SCYL3: variants seen among roughly 807,000 people sequenced by gnomAD.
SCYL3 encodes SCY1 like pseudokinase 3, also known as protein-associating with the carboxyl-terminal domain of ezrin.
A neutral mutation model predicts 73.8 loss-of-function variants in SCYL3; 35 were observed. The ratio of observed to expected loss-of-function variants is 0.47; its 90% confidence interval spans 0.36 to 0.63. The LOEUF is 0.63. Among genes scored for constraint, SCYL3 ranks in the 20% least tolerant of loss-of-function variants. The pLI is 0.00. For missense variants in SCYL3, 712 were observed against 798.9 expected, an observed-to-expected ratio of 0.89 and a Z score of 1.31; for synonymous variants, 277 against 295.2, an observed-to-expected ratio of 0.94 and a Z score of 0.63.
intron 11 of SCYL3, among the ~76,000 whole-genome samples, chr1:169,856,661 G>C (rs1571382994): frequency 6.6e-6 from 1 of 152,110 alleles, no homozygotes; most frequent in African/African-American, 2.4e-5. Context: ...CCTCCTTGAA[G>C]TCCTATCTAA....
At chr1:169,867,720 T>G (rs1265751974) in intron 7 of SCYL3, among the ~76,000 whole-genome samples, 1 of 152,244 alleles carries the variant, frequency 6.6e-6, no homozygotes, top group Non-Finnish European at 1.5e-5. Flanking sequence ...GCTGCCTCTG[T>G]AAGAGATGCT....
Position 169,868,727 on chromosome 1 carries a change from A to G in SCYL3, c.737+201T>C, listed in dbSNP as rs77695329. Among the ~76,000 whole-genome samples, 1,196 of 152,276 alleles carry G rather than the reference A, an allele frequency of 7.9e-3. 19 individuals are homozygous for G. The highest frequency in any genetic ancestry group is 0.027 in the African/African-American group (1,137 of 41,552). ...CAATCAAGGATTTCTAAAACTTCCT[A>G]TCTATAATAGGAAACTGACAGACAA... On this transcript the variant is annotated intron_variant, in intron 7 of 12. Transcript: ENST00000367771.
chr1:169,891,911 C>G (rs1662113717), intron 1 of SCYL3, among the ~76,000 whole-genome samples: 1 of 152,114 alleles, frequency 6.6e-6, no homozygotes, highest in Non-Finnish European at 1.5e-5. Flanking sequence ...GTTATAAAAG[C>G]ATTAGGAAGT....
chr1:169,854,453 T>C lies in SCYL3; in HGVS notation c.1824A>G (p.Gln608=). The C allele has an allele frequency of 3.1e-6, 5 of 1,614,132 alleles. No individual in the cohort carries two copies. Among genetic ancestry groups the C allele is most frequent in the Non-Finnish European group, 4.2e-6 (5 of 1,179,994 alleles). ...ELGLGEEFTI[Q]VKKKPVKDPE... ...GATCTTTTACTGGCTTCTTTTTTAC[T>C]TGAATGGTGAATTCCTCTCCTAAAC... The change falls in exon 12 of 13, where the codon CAA becomes CAG. Residue 608 remains glutamine (Q), a synonymous_variant. Transcript: ENST00000367771.
At position 169,878,637 on chromosome 1, in the gene SCYL3, G is replaced by A. The variant is rs776586042; in HGVS notation, c.348C>T (p.Asp116=). 16 of 1,611,174 alleles carry A rather than the reference G, an allele frequency of 9.9e-6. No individual in the cohort carries two copies. The Admixed American group carries it at 2.0e-4, about 20-fold the overall frequency. ...GCAGACTATACAGGTTACTTACTCT[G>A]TCATGAAGGAAGATAAGAGCCAGCA... is the stretch of plus-strand genomic sequence containing the variant. ...DILLALIFLH[D]RGHLTHNNVC... The change falls in exon 3 of 13, where the codon GAC becomes GAT. Residue 116 remains aspartate, a synonymous_variant. Transcript: ENST00000367771.
chr1:169,878,868 T>A (rs1235227250), intron 2 of SCYL3, 49 bp from the exon 3 acceptor site: 1 of 1,509,964 alleles, frequency 6.6e-7, no homozygotes, highest in Admixed American at 2.0e-5. Context: ...CCAAACCAGA[T>A]TATAGTTTCA....
Position 169,850,026 on chromosome 1 carries a change from G to A in SCYL3, c.*3687C>T, listed in dbSNP as rs1268378327. The A allele has an allele frequency of 1.9e-6, 1 of 538,380 alleles. No homozygotes were observed. The highest frequency in any genetic ancestry group is 3.2e-5 in the Admixed American group (1 of 31,380). 33.4% of individuals were successfully genotyped at this position (538,380 alleles called of 1,614,324 possible). On this transcript the variant is annotated 3_prime_UTR_variant, in exon 13 of 13. Transcript: ENST00000367771. ...TAGTCATGCCTATGATCATAAGGGA[G>A]TCCAGAAGCATTAGTATGACCCAGC...
chr1:169,891,403 C>T (rs1039444533), intron 1 of SCYL3, among the ~76,000 whole-genome samples: 2 of 152,224 alleles, frequency 1.3e-5, no homozygotes, highest in Non-Finnish European at 2.9e-5. Flanking sequence ...AACCAGCCCC[C>T]TTTTCCTCAG....
At chr1:169,881,749 AC>A (rs1220538956) in intron 2 of SCYL3, among the ~76,000 whole-genome samples, 1 of 152,116 alleles carries the variant, frequency 6.6e-6, no homozygotes, top group Non-Finnish European at 1.5e-5. Flanking sequence ...CCTTTTTGAC[AC>A]CAGGGACCAG....
rs183404040 is a variant in SCYL3, at chr1:169,882,092, C to G, written c.166-3273G>C. ...CCAAGGCCGGAGCCGGTTCCCTCAG[C>G]TTGCAGGGAGGTGTGAAGGGAGAGG... On this transcript the variant is annotated intron_variant, in intron 2 of 12. Transcript: ENST00000367771. Among the ~76,000 whole-genome samples, 10 of 152,340 alleles carry G rather than the reference C, an allele frequency of 6.6e-5. 1 individual carries two copies. The East Asian group carries it at 1.7e-3, about 26-fold the overall frequency.
chr1:169,878,898 C>A, intron 2 of SCYL3, 79 bp from the exon 3 acceptor site: 1 of 1,293,342 alleles, frequency 7.7e-7, no homozygotes, highest in Non-Finnish European at 1.1e-6. Flanking sequence ...TGGGGGAAAT[C>A]AGAAAATGTA....
At chr1:169,864,300 C>T (rs1659872515) in intron 9 of SCYL3, 69 bp downstream of exon 9, 1 of 1,589,110 alleles carries the variant, frequency 6.3e-7, no homozygotes, top group African/African-American at 1.3e-5. Context: ...GTAATCTCAT[C>T]CTGCTCAAAT....
chr1:169,886,878 T>C (rs1355320680), intron 2 of SCYL3, among the ~76,000 whole-genome samples: 1 of 152,176 alleles, frequency 6.6e-6, no homozygotes, highest in African/African-American at 2.4e-5. Context: ...GTGAAGAAAG[T>C]GTATATTGTT....
At chr1:169,891,989 G>C (rs1030947342) in intron 1 of SCYL3, among the ~76,000 whole-genome samples, 1 of 152,120 alleles carries the variant, frequency 6.6e-6, no homozygotes, top group Admixed American at 6.5e-5. Flanking sequence ...AAATTAAAAA[G>C]GGATGACTCA....
intron 2 of SCYL3, among the ~76,000 whole-genome samples, chr1:169,882,436 G>A (rs749250285): frequency 4.6e-5 from 7 of 152,100 alleles, no homozygotes; most frequent in African/African-American, 1.2e-4. Context: ...CCTGACCAGC[G>A]CCGCCCCCTG....
intron 2 of SCYL3, among the ~76,000 whole-genome samples, chr1:169,885,681 T>C (rs1400999481): frequency 1.3e-5 from 2 of 152,058 alleles, no homozygotes; most frequent in Non-Finnish European, 2.9e-5. Flanking sequence ...GGAATAAAAA[T>C]TCCATTCTGT....
At chr1:169,893,263 G>C (rs529709294) in intron 1 of SCYL3, among the ~76,000 whole-genome samples, 26 of 152,278 alleles carry the variant, frequency 1.7e-4, no homozygotes, top group Non-Finnish European at 2.6e-4. Flanking sequence ...GCCAAGACAG[G>C]AGCCAGCTGG....
Position 169,851,403 on chromosome 1 carries a change from T to C in SCYL3, c.*2310A>G, listed in dbSNP as rs926731765. ...TGTCGCCCAGATTGGAGTGTGGTGG[T>C]GTGATCATAGCTCGCTATAACCTCA... On this transcript the variant is annotated 3_prime_UTR_variant, in exon 13 of 13. Transcript: ENST00000367771. 1 of 157,514 alleles carries C rather than the reference T, an allele frequency of 6.3e-6. No individual in the cohort carries two copies. The highest frequency in any genetic ancestry group is 2.4e-5 in the African/African-American group (1 of 41,472). 9.8% of individuals were successfully genotyped at this position (157,514 alleles called of 1,614,324 possible).
intron 11 of SCYL3, chr1:169,856,043 G>T: frequency 8.5e-7 from 1 of 1,176,366 alleles, no homozygotes; most frequent in South Asian, 1.4e-5. Flanking sequence ...ATAGTTAAGT[G>T]AAATGGGTAT....
Sources: gnomAD v4.1 joint callset for allele counts (sites outside exome capture counted in the v4.1 genomes callset) on GRCh38, gnomAD v4.1.1 for gene constraint, MANE v1.5 for transcripts, NCBI Gene and HGNC (gene_info 2026-07-23, HGNC 2026-07-21) for gene names.